The following TBC1D22A variants were observed in gnomAD, a reference collection of about 807,000 sequenced individuals.
TBC1D22A encodes the protein putative GTPase activator.
TBC1D22A carries 38 observed loss-of-function variants against 60.2 expected under a neutral mutation model. That is an observed-to-expected ratio of 0.63 (90% CI 0.49 to 0.83). The LOEUF (loss-of-function observed/expected upper bound fraction) is 0.83. Among genes scored for constraint, TBC1D22A ranks in the 40% least tolerant of loss-of-function variants. The pLI is 0.00. For missense variants in TBC1D22A, 628 were observed against 701.0 expected (o/e 0.90, Z 1.18); for synonymous variants, 302 against 281.7 (o/e 1.07, Z -0.72).
chr22:47,069,506 T>C (rs905485348), intron 11 of TBC1D22A, among the ~76,000 whole-genome samples: 1 of 152,200 alleles, frequency 6.6e-6, no homozygotes, highest in African/African-American at 2.4e-5. Context: ...ACGTGAGTCT[T>C]GGCATGGTGC....
chr22:47,008,742 G>T (rs1386256834), intron 10 of TBC1D22A, among the ~76,000 whole-genome samples: 1 of 152,224 alleles, frequency 6.6e-6, no homozygotes. Flanking sequence ...TGAGGCCTGG[G>T]TACAGGCATT....
At chr22:46,821,967 A>G (rs1263366527) in intron 4 of TBC1D22A, among the ~76,000 whole-genome samples, 1 of 151,460 alleles carries the variant, frequency 6.6e-6, no homozygotes, top group East Asian at 1.9e-4. Flanking sequence ...TCTTGTCTGC[A>G]TACCTTATTT....
At chr22:47,052,170 G>A (rs1236118737) in intron 11 of TBC1D22A, among the ~76,000 whole-genome samples, 1 of 152,262 alleles carries the variant, frequency 6.6e-6, no homozygotes, top group Non-Finnish European at 1.5e-5. Flanking sequence ...CAGTTCTGGA[G>A]TTAGAGTGGG....
chr22:47,157,837 A>G (rs559259083), intron 12 of TBC1D22A, among the ~76,000 whole-genome samples: 3 of 152,154 alleles, frequency 2.0e-5, no homozygotes, highest in Admixed American at 2.0e-4. Context: ...GCATCTATAC[A>G]AGTCACCCAC....
intron 8 of TBC1D22A, among the ~76,000 whole-genome samples, chr22:46,955,182 A>C (rs748923192): frequency 3.9e-5 from 6 of 152,214 alleles, no homozygotes; most frequent in Admixed American, 2.0e-4. Context: ...AAAAAATTAA[A>C]AATTAAAATA....
At chr22:46,803,481 C>CG (rs979844061) in intron 4 of TBC1D22A, among the ~76,000 whole-genome samples, 80 of 152,264 alleles carry the variant, frequency 5.3e-4, no homozygotes, top group African/African-American at 1.9e-3. Flanking sequence ...GGAGCTGAGG[C>CG]GGGGAGGGCG....
At chr22:47,161,290 G>C (rs911855494) in intron 12 of TBC1D22A, among the ~76,000 whole-genome samples, 11 of 152,172 alleles carry the variant, frequency 7.2e-5, no homozygotes, top group Non-Finnish European at 1.5e-4. Context: ...GCTGGCGACT[G>C]TCGGGGGCGG....
chr22:46,902,764 A>C (rs2069092896), intron 7 of TBC1D22A, among the ~76,000 whole-genome samples: 1 of 151,344 alleles, frequency 6.6e-6, no homozygotes, highest in Non-Finnish European at 1.5e-5. Flanking sequence ...AATGGTTGTG[A>C]TTCCCGAAGA....
chr22:46,930,492 G>T (rs2071293670), intron 8 of TBC1D22A, among the ~76,000 whole-genome samples: 1 of 151,938 alleles, frequency 6.6e-6, no homozygotes, highest in Non-Finnish European at 1.5e-5. Context: ...GTCTCGCTCT[G>T]TCACCCAGGC....
intron 12 of TBC1D22A, among the ~76,000 whole-genome samples, chr22:47,158,014 G>A (rs1358612314): frequency 6.6e-6 from 1 of 152,176 alleles, no homozygotes; most frequent in African/African-American, 2.4e-5. Context: ...CAGCCGGCAG[G>A]CGTGCCTGGG....
intron 1 of TBC1D22A, among the ~76,000 whole-genome samples, chr22:46,780,120 A>G (rs2083876000): frequency 6.6e-6 from 1 of 152,232 alleles, no homozygotes; most frequent in African/African-American, 2.4e-5. Context: ...ATGTGTTAGA[A>G]TGAGCTGAGT....
At chr22:46,943,898 T>C (rs533608527) in intron 8 of TBC1D22A, among the ~76,000 whole-genome samples, 1 of 152,228 alleles carries the variant, frequency 6.6e-6, no homozygotes, top group Non-Finnish European at 1.5e-5. Context: ...CTCCGGTCCT[T>C]TTTATGGCTG....
intron 8 of TBC1D22A, chr22:46,913,473 A>T (rs773187509): frequency 7.5e-7 from 1 of 1,341,492 alleles, no homozygotes. Context: ...CAGCCCTCTG[A>T]CACTTTGTTT....
chr22:46,841,073 T>TGTGTGTGTGTGTGTGTGA (rs35099198), intron 4 of TBC1D22A, among the ~76,000 whole-genome samples: 50 of 148,670 alleles, frequency 3.4e-4, no homozygotes, highest in African/African-American at 1.2e-3. Flanking sequence ...TGTGTGTGTG[T>TGTGTGTGTGTGTGTGTGA]GAGAGAGAGA....
chr22:46,946,184 G>T (rs572031268), intron 8 of TBC1D22A, among the ~76,000 whole-genome samples: 1 of 152,228 alleles, frequency 6.6e-6, no homozygotes, highest in Non-Finnish European at 1.5e-5. Context: ...GCATAAGCTT[G>T]TGCACCGTAG....
chr22:47,011,831 G>C (rs2061761626), intron 10 of TBC1D22A, among the ~76,000 whole-genome samples: 1 of 152,114 alleles, frequency 6.6e-6, no homozygotes, highest in Non-Finnish European at 1.5e-5. Context: ...GTGTGGAAAA[G>C]CTCTGTAATT....
At chr22:46,825,275 G>T (rs1308001885) in intron 4 of TBC1D22A, among the ~76,000 whole-genome samples, 3 of 151,926 alleles carry the variant, frequency 2.0e-5, no homozygotes, top group Non-Finnish European at 4.4e-5. Flanking sequence ...TTCTTCCTGG[G>T]GGTCTGAACC....
intron 10 of TBC1D22A, 65 bp from the exon 11 acceptor site, chr22:47,037,006 C>T: frequency 6.2e-7 from 1 of 1,601,138 alleles, no homozygotes; most frequent in Non-Finnish European, 8.5e-7. Context: ...GGACAAGTGA[C>T]CTGGCTGCCA....
chr22:46,805,383 A>T (rs1569062237), intron 4 of TBC1D22A, among the ~76,000 whole-genome samples: 1 of 152,214 alleles, frequency 6.6e-6, no homozygotes, highest in Non-Finnish European at 1.5e-5. Flanking sequence ...AGACGCAAGG[A>T]CTTTTGAACA....
Sources: gnomAD v4.1 joint callset for allele counts (sites outside exome capture counted in the v4.1 genomes callset) on GRCh38, gnomAD v4.1.1 for gene constraint, MANE v1.5 for transcripts, NCBI Gene and HGNC (gene_info 2026-07-23, HGNC 2026-07-21) for gene names.